The following PPM1E variants were observed in gnomAD, a reference collection of about 807,000 sequenced individuals.
PPM1E encodes protein phosphatase, Mg2+/Mn2+ dependent 1E.
Under a neutral mutation model 65.9 loss-of-function variants are expected in PPM1E, and 20 were observed. The observed-to-expected ratio is 0.30, with a 90% CI of 0.21 to 0.44. The LOEUF (loss-of-function observed/expected upper bound fraction) is 0.44, where lower values mean the gene tolerates loss of function less well. Ranked by LOEUF, PPM1E falls within the 20% of genes least tolerant of loss-of-function variation. The pLI is 1.00. For missense variants in PPM1E, 713 were observed against 953.1 expected (o/e 0.75, Z 3.32); for synonymous variants, 352 against 374.9 (o/e 0.94, Z 0.70).
chr17:58,876,285 A>T (rs1009462754), intron 1 of PPM1E, among the ~76,000 whole-genome samples: 1 of 152,106 alleles, frequency 6.6e-6, no homozygotes. Context: ...TACTTTTGTT[A>T]TCCTTAACTT....
At chr17:58,947,200 G>T (rs1182592727) in intron 1 of PPM1E, among the ~76,000 whole-genome samples, 2 of 82,686 alleles carry the variant, frequency 2.4e-5, no homozygotes, top group African/African-American at 4.8e-5. Context: ...CTCCCAAAGT[G>T]TTGGGATTAC....
chr17:58,859,961 G>C (rs1430049359), intron 1 of PPM1E, among the ~76,000 whole-genome samples: 5 of 152,168 alleles, frequency 3.3e-5, no homozygotes, highest in African/African-American at 9.7e-5. Flanking sequence ...CCCTTGGGCT[G>C]CAGTATGTCT....
chr17:58,894,703 TACAC>T (rs1242341973), intron 1 of PPM1E, among the ~76,000 whole-genome samples: 1 of 152,086 alleles, frequency 6.6e-6, no homozygotes, highest in African/African-American at 2.4e-5. Flanking sequence ...CAAACACACA[TACAC>T]ACATTATTTA....
chr17:58,945,528 C>A (rs1266085085), intron 1 of PPM1E, among the ~76,000 whole-genome samples: 3 of 152,116 alleles, frequency 2.0e-5, no homozygotes, highest in African/African-American at 7.2e-5. Context: ...AGGTGTCTTA[C>A]AATTTAACTC....
At chr17:58,881,184 T>C (rs2051190480) in intron 1 of PPM1E, among the ~76,000 whole-genome samples, 1 of 152,188 alleles carries the variant, frequency 6.6e-6, no homozygotes, top group Non-Finnish European at 1.5e-5. Flanking sequence ...TTTTAAAACT[T>C]ACACAAATGT....
intron 1 of PPM1E, among the ~76,000 whole-genome samples, chr17:58,933,457 A>G (rs1463482805): frequency 1.3e-5 from 2 of 152,182 alleles, no homozygotes; most frequent in African/African-American, 4.8e-5. Flanking sequence ...TCTGATATTT[A>G]ATATTGATAA....
intron 6 of PPM1E, 75 bp downstream of exon 6, chr17:58,973,000 G>C: frequency 1.1e-6 from 1 of 942,802 alleles, no homozygotes; most frequent in Non-Finnish European, 1.6e-6. Flanking sequence ...CTGATACAGG[G>C]AACCTGAGAT....
At chr17:58,919,165 C>T (rs1888400080) in intron 1 of PPM1E, among the ~76,000 whole-genome samples, 1 of 151,926 alleles carries the variant, frequency 6.6e-6, no homozygotes, top group South Asian at 2.1e-4. Context: ...TTTTATGGCT[C>T]TCAGAAGATA....
At chr17:58,874,563 T>C (rs1171517811) in intron 1 of PPM1E, among the ~76,000 whole-genome samples, 2 of 152,200 alleles carry the variant, frequency 1.3e-5, no homozygotes, top group South Asian at 2.1e-4. Context: ...CTGTAAGATA[T>C]CTTTGCAAAG....
Position 58,980,708 on chromosome 17 carries a change from T to G in PPM1E, c.1945T>G (p.Cys649Gly). The change falls in exon 7 of 7, where the codon TGT becomes GGT. Residue 649 changes from cysteine to glycine, a missense_variant. Physicochemically the swap from Cys to Gly is radical, Grantham distance 159 (BLOSUM62 -3). This residue lies in a region of PPM1E where 286 missense variants were observed against 313.8 expected (regional missense o/e 0.91). Coordinates refer to ENST00000308249, the MANE Select transcript of PPM1E (RefSeq NM_014906.5). The surrounding 1 kb of genome is among the most constrained non-coding windows in gnomAD (Gnocchi z 4.7). ...IYRMQSLSPV[C>G]SGLENEQFKS... ...CAGAATGCAGAGCTTGTCTCCTGTCTGTTCAGGGTTGGAAAATGAACAGTT... is the reference window on the plus strand; with the variant it reads ...CAGAATGCAGAGCTTGTCTCCTGTCGGTTCAGGGTTGGAAAATGAACAGTT... 3 of 1,614,250 alleles carry G rather than the reference T, an allele frequency of 1.9e-6. No individual in the cohort carries two copies. The South Asian group carries it at 3.3e-5, about 18-fold the overall frequency.
chr17:58,835,830 C>G (rs960518980), intron 1 of PPM1E: 1 of 152,270 alleles, frequency 6.6e-6, no homozygotes, highest in Non-Finnish European at 1.5e-5. Context: ...GATCATGCCA[C>G]TGCACTCCAG....
intron 1 of PPM1E, among the ~76,000 whole-genome samples, chr17:58,828,471 T>C (rs1400667766): frequency 6.6e-6 from 1 of 152,174 alleles, no homozygotes; most frequent in Admixed American, 6.5e-5. Flanking sequence ...TGTTTGTTTG[T>C]TTGTTTTTTT....
intron 1 of PPM1E, among the ~76,000 whole-genome samples, chr17:58,822,319 A>C (rs2050488347): frequency 6.8e-6 from 1 of 146,672 alleles, no homozygotes; most frequent in Non-Finnish European, 1.5e-5. Context: ...GCTAAGTCTG[A>C]ATTTATTTTT....
chr17:58,798,231 T>G (rs534254188), intron 1 of PPM1E, among the ~76,000 whole-genome samples: 10 of 67,128 alleles, frequency 1.5e-4, no homozygotes, highest in East Asian at 7.6e-4. Context: ...TTTTTGTTTG[T>G]TTTTTTTTTT....
In PPM1E at chr17:58,802,875, T is replaced by G. The variant is rs144704521; in HGVS notation, c.464+46414T>G. On this transcript the variant is annotated intron_variant, in intron 1 of 6. Transcript: ENST00000308249. ...AGTAATGCAACTGATTTTTGTGTGT[T>G]TTTTTTTATCCTACAAATTTGCAGA... Among the ~76,000 whole-genome samples the G allele has an allele frequency of 6.6e-3, 1,010 of 152,094 alleles. 10 individuals carry two copies. Among genetic ancestry groups the G allele is most frequent in the South Asian group, 0.01 (50 of 4,820 alleles).
intron 1 of PPM1E, among the ~76,000 whole-genome samples, chr17:58,866,467 C>A (rs1390857955): frequency 6.6e-6 from 1 of 152,236 alleles, no homozygotes; most frequent in Non-Finnish European, 1.5e-5. Flanking sequence ...CTGTGATCAG[C>A]CCATCCTCCA....
At chr17:58,867,722 T>C (rs1031939551) in intron 1 of PPM1E, among the ~76,000 whole-genome samples, 1 of 152,232 alleles carries the variant, frequency 6.6e-6, no homozygotes, top group African/African-American at 2.4e-5. Context: ...GGATCAGATT[T>C]GGAAAAATTT....
intron 1 of PPM1E, among the ~76,000 whole-genome samples, chr17:58,879,548 C>T (rs978340795): frequency 1.7e-5 from 2 of 119,238 alleles, no homozygotes; most frequent in Middle Eastern, 0.016. Flanking sequence ...CTCGCTCTGT[C>T]GCCCAGGCTG....
intron 1 of PPM1E, among the ~76,000 whole-genome samples, chr17:58,848,685 T>C (rs539803312): frequency 6.6e-6 from 1 of 152,334 alleles, no homozygotes; most frequent in Admixed American, 6.5e-5. Context: ...CAGTATTTTA[T>C]TGAGGATTTT....
Sources: allele counts gnomAD v4.1 joint callset (sites outside exome capture counted in the v4.1 genomes callset), GRCh38; gene constraint gnomAD v4.1.1; regional missense constraint gnomAD v4.1.1; non-coding constraint Gnocchi (gnomAD v3.1); transcripts MANE v1.5; gene names NCBI Gene and HGNC (gene_info 2026-07-23, HGNC 2026-07-21).